The following RHPN2 variants were observed in gnomAD, a reference collection of about 807,000 sequenced individuals.
The protein encoded by RHPN2 is rhophilin Rho GTPase binding protein 2.
Under a neutral mutation model 79.0 loss-of-function variants are expected in RHPN2, and 40 were observed. The observed-to-expected ratio is 0.51, with a 90% CI of 0.39 to 0.66. The LOEUF (loss-of-function observed/expected upper bound fraction) is 0.66. RHPN2 is among the 30% of genes least tolerant of loss of function. The pLI, the probability that RHPN2 is intolerant of heterozygous loss-of-function variation, is 0.00. For missense variants in RHPN2, 686 were observed against 883.5 expected, an observed-to-expected ratio of 0.78 and a Z score of 2.83; for synonymous variants, 285 against 363.5, an observed-to-expected ratio of 0.78 and a Z score of 2.46.
At chr19:33,054,744 G>A (rs1181261822) in intron 1 of RHPN2, among the ~76,000 whole-genome samples, 2 of 152,222 alleles carry the variant, frequency 1.3e-5, no homozygotes, top group African/African-American at 4.8e-5. Flanking sequence ...TTGTGTCACG[G>A]GACGCTGGTA....
At chr19:32,998,285 C>A (rs1282665035) in intron 10 of RHPN2, among the ~76,000 whole-genome samples, 1 of 152,062 alleles carries the variant, frequency 6.6e-6, no homozygotes, top group Non-Finnish European at 1.5e-5. Flanking sequence ...TTAAAGTGGC[C>A]AGATTTGAGA....
chr19:33,060,964 G>GCCACCCATTCA (rs1164733968), intron 1 of RHPN2, among the ~76,000 whole-genome samples: 1 of 152,096 alleles, frequency 6.6e-6, no homozygotes, highest in Non-Finnish European at 1.5e-5. Flanking sequence ...TTTCCCATTC[G>GCCACCCATTCA]CCACCCATTC....
intron 3 of RHPN2, among the ~76,000 whole-genome samples, chr19:33,022,132 A>G (rs1425793730): frequency 6.6e-6 from 1 of 151,830 alleles, no homozygotes; most frequent in East Asian, 1.9e-4. Context: ...TTTAGTAGCA[A>G]TGGGGTTTCG....
At chr19:33,064,534 G>A (rs1219981660) in intron 1 of RHPN2, among the ~76,000 whole-genome samples, 1 of 151,948 alleles carries the variant, frequency 6.6e-6, no homozygotes, top group Non-Finnish European at 1.5e-5. Context: ...GCCCGCACCT[G>A]CGCGGAGCGG....
chr19:33,037,543 C>T (rs1258651175), intron 2 of RHPN2, among the ~76,000 whole-genome samples: 1 of 152,198 alleles, frequency 6.6e-6, no homozygotes, highest in Non-Finnish European at 1.5e-5. Flanking sequence ...TGAGCTGTAA[C>T]ACTCACTGCG....
chr19:33,012,624 C>A, intron 5 of RHPN2, 23 bp downstream of exon 5: 1 of 1,519,828 alleles, frequency 6.6e-7, no homozygotes. Flanking sequence ...ACCCTCCCCT[C>A]TCTGCTGCAC....
intron 1 of RHPN2, among the ~76,000 whole-genome samples, chr19:33,056,761 G>T (rs375704729): frequency 6.6e-6 from 1 of 152,042 alleles, no homozygotes; most frequent in Non-Finnish European, 1.5e-5. Context: ...AGCTGGGTGC[G>T]GTGGCTCATG....
At chr19:33,021,217 C>T (rs563987162) in intron 4 of RHPN2, among the ~76,000 whole-genome samples, 2 of 152,272 alleles carry the variant, frequency 1.3e-5, no homozygotes, top group African/African-American at 4.8e-5. Context: ...AAGGCAACAA[C>T]AAAAATATGG....
chr19:33,008,305 G>A (rs1971810174), intron 6 of RHPN2, 125 bp from the exon 7 acceptor site: 3 of 940,066 alleles, frequency 3.2e-6, no homozygotes, highest in African/African-American at 1.7e-5. Flanking sequence ...AGGCTGGAGT[G>A]CAGTGGTGTG....
At chr19:33,061,640 C>T (rs567461459) in intron 1 of RHPN2, among the ~76,000 whole-genome samples, 3 of 152,106 alleles carry the variant, frequency 2.0e-5, no homozygotes, top group Admixed American at 1.3e-4. Context: ...CCTGCCGCTA[C>T]ACCCGGCTAA....
At chr19:33,063,122 G>A (rs550731683) in intron 1 of RHPN2, among the ~76,000 whole-genome samples, 4 of 152,248 alleles carry the variant, frequency 2.6e-5, no homozygotes, top group South Asian at 2.1e-4. Context: ...CCCGGGGCCC[G>A]AGGACAGACA....
At chr19:32,986,843 A>G (rs1349934573) in intron 14 of RHPN2, among the ~76,000 whole-genome samples, 4 of 151,660 alleles carry the variant, frequency 2.6e-5, no homozygotes, top group Non-Finnish European at 5.9e-5. Flanking sequence ...CATGCATAAA[A>G]TTCACCATTT....
In RHPN2 at chr19:33,008,033, A is replaced by G; in HGVS notation, c.741T>C (p.Asp247=). The G allele has an allele frequency of 1.2e-6, 2 of 1,612,532 alleles. No individual in the cohort carries two copies. Among genetic ancestry groups the G allele is most frequent in the South Asian group, 1.1e-5 (1 of 91,014 alleles). Reference sequence around the variant, plus strand: ...ACATACCTGCGGCTCTCTGAAAGGCATCTATGGCACTCTCCAGCCCAGCCT... The same window carrying G: ...ACATACCTGCGGCTCTCTGAAAGGCGTCTATGGCACTCTCCAGCCCAGCCT... ...QTQAGLESAI[D]AFQRAAGVLN... Residue 247 remains aspartate, a synonymous_variant, in exon 7 of 15, where the codon GAT becomes GAC. Transcript: ENST00000254260.
chr19:32,992,656 A>G (rs7252338), intron 12 of RHPN2, among the ~76,000 whole-genome samples: 6,478 of 151,758 alleles, frequency 0.043, 202 homozygotes, highest in South Asian at 0.16. Flanking sequence ...TAAAAACATA[A>G]AAGAATTAGC....
intron 2 of RHPN2, among the ~76,000 whole-genome samples, chr19:33,031,150 T>G (rs567069296): frequency 6.6e-6 from 1 of 152,292 alleles, no homozygotes; most frequent in African/African-American, 2.4e-5. Flanking sequence ...CACCTCAATG[T>G]GTTCACCAAC....
At chr19:33,009,033 CTG>C (rs1445928660) in intron 6 of RHPN2, among the ~76,000 whole-genome samples, 2 of 124,156 alleles carry the variant, frequency 1.6e-5, no homozygotes, top group Non-Finnish European at 3.4e-5. Flanking sequence ...ACTGTATACG[CTG>C]TGTGATTCCA....
In RHPN2 at chr19:32,996,168, C is replaced by G. The variant is rs763318393; in HGVS notation, c.1278G>C (p.Glu426Asp). 19 of 1,614,174 alleles carry G rather than the reference C, an allele frequency of 1.2e-5. No homozygotes were observed. Among genetic ancestry groups the G allele is most frequent in the Non-Finnish European group, 1.6e-5 (19 of 1,180,038 alleles). The change falls in exon 11 of 15, where the codon GAG becomes GAC. Residue 426 changes from glutamate (E) to aspartate (D), a missense_variant. Transcript: ENST00000254260. ...AMAHHEESVR[E>D]ASLCKKLRSI... ...TCCGCAGCTTCTTGCAGAGGCTGGC[C>G]TCCCGCACCGACTCCTCGTGATGAG...
intron 4 of RHPN2, among the ~76,000 whole-genome samples, chr19:33,014,629 T>A (rs1448623560): frequency 2.0e-5 from 3 of 150,678 alleles, no homozygotes; most frequent in Non-Finnish European, 4.4e-5. Flanking sequence ...TTCTTTAAAC[T>A]TGGCCATGGG....
At chr19:33,026,176 A>T (rs1304449464) in intron 3 of RHPN2, among the ~76,000 whole-genome samples, 1 of 151,696 alleles carries the variant, frequency 6.6e-6, no homozygotes, top group East Asian at 1.9e-4. Context: ...TTTTTAGCAG[A>T]GACGGGGTTT....
Sources: allele counts gnomAD v4.1 joint callset (sites outside exome capture counted in the v4.1 genomes callset), GRCh38; gene constraint gnomAD v4.1.1; transcripts MANE v1.5; gene names NCBI Gene and HGNC (gene_info 2026-07-23, HGNC 2026-07-21).